RSAD2: variants seen among roughly 807,000 people sequenced by gnomAD.
RSAD2 encodes the protein radical S-adenosyl methionine domain containing 2, also known as S-adenosylmethionine-dependent nucleotide dehydratase RSAD2.
In RSAD2, 38 loss-of-function variants were observed where a neutral mutation model predicts 37.7. The observed-to-expected ratio is 1.01, with a 90% CI of 0.78 to 1.32. The LOEUF (loss-of-function observed/expected upper bound fraction) is 1.32. RSAD2 is among the 40% of genes most tolerant of loss of function. RSAD2 has a pLI of 0.00. For synonymous variants in RSAD2, 163 were observed against 157.4 expected (o/e 1.04, Z -0.27); for missense variants, 428 against 437.5 (o/e 0.98, Z 0.19).
At chr2:6,866,139 G>A (rs751532420) in intron 1 of RSAD2, 33 of 215,206 alleles carry the variant, frequency 1.5e-4, no homozygotes, top group Admixed American at 3.9e-4. Flanking sequence ...GAGGGGGGCG[G>A]GGGTGCACGC....
intron 1 of RSAD2, among the ~76,000 whole-genome samples, chr2:6,881,562 G>A (rs1663401664): frequency 6.6e-6 from 1 of 152,206 alleles, no homozygotes; most frequent in African/African-American, 2.4e-5. Context: ...GTTATTTAAG[G>A]GTTGAAAGCT....
chr2:6,866,363 T>A (rs1663090311), intron 1 of RSAD2: 1 of 881,974 alleles, frequency 1.1e-6, no homozygotes, highest in African/African-American at 1.8e-5. Context: ...TTCCCTCTCC[T>A]GTATCTTATC....
At chr2:6,881,817 C>T (rs540495046) in intron 1 of RSAD2, among the ~76,000 whole-genome samples, 15 of 151,110 alleles carry the variant, frequency 9.9e-5, no homozygotes, top group East Asian at 7.8e-4. Context: ...GGGTGTATAA[C>T]GCACAAGCCC....
At chr2:6,881,277 G>T (rs949463603) in intron 1 of RSAD2, among the ~76,000 whole-genome samples, 2 of 152,178 alleles carry the variant, frequency 1.3e-5, no homozygotes, top group African/African-American at 4.8e-5. Flanking sequence ...AAATAGGGAG[G>T]TGATATAATG....
In RSAD2 at chr2:6,886,980, A is replaced by T. The variant is rs1663534272; in HGVS notation, c.554A>T (p.Glu185Val). 1 of 1,614,104 alleles carries T rather than the reference A, an allele frequency of 6.2e-7. No homozygotes were observed. The highest frequency in any genetic ancestry group is 1.3e-5 in the African/African-American group (1 of 74,944). ...ILAISCDSFD[E>V]EVNVLIGRGQ... Reference sequence around the variant, plus strand: ...GCTATCTCCTGTGACAGCTTTGACGAGGAAGTCAATGTCCTTATTGGCCGT... The same window carrying T: ...GCTATCTCCTGTGACAGCTTTGACGTGGAAGTCAATGTCCTTATTGGCCGT... Residue 185 changes from glutamate (E) to valine (V), a missense_variant, in exon 3 of 6, where the codon GAG becomes GTG. Transcript: ENST00000382040.
chr2:6,873,787 G>A (rs1156889526), upstream of RSAD2, among the ~76,000 whole-genome samples: 3 of 152,182 alleles, frequency 2.0e-5, no homozygotes, highest in Non-Finnish European at 2.9e-5. Context: ...GATACTAAAT[G>A]ATTAGGCTTA....
intron 1 of RSAD2, among the ~76,000 whole-genome samples, chr2:6,880,172 G>A (rs908149930): frequency 1.1e-4 from 16 of 152,168 alleles, no homozygotes; most frequent in African/African-American, 3.9e-4. Flanking sequence ...CTGTAAGAGA[G>A]ATTTCTAGAT....
chr2:6,871,065 A>G (rs1303243619), intron 1 of RSAD2, among the ~76,000 whole-genome samples: 2 of 152,362 alleles, frequency 1.3e-5, no homozygotes, highest in East Asian at 3.9e-4. Context: ...CAAACCTCCC[A>G]GAGACAATGG....
chr2:6,878,718 T>C (rs1005165821), intron 1 of RSAD2: 2 of 511,860 alleles, frequency 3.9e-6, no homozygotes, highest in South Asian at 5.7e-5. Context: ...CATTAGTAAC[T>C]GGCAGCGTCT....
chr2:6,878,221 G>A, intron 1 of RSAD2, 75 bp downstream of exon 1: 8 of 1,262,254 alleles, frequency 6.3e-6, no homozygotes, highest in Admixed American at 2.4e-5. Context: ...AGGGGCTGGG[G>A]GTATGCACAA....
At chr2:6,886,889 C>T in intron 2 of RSAD2, 46 bp from the exon 3 acceptor site, 1 of 1,451,496 alleles carries the variant, frequency 6.9e-7, no homozygotes, top group Non-Finnish European at 9.7e-7. Context: ...GCCCAAGGGG[C>T]TTGGTCCTTG....
chr2:6,878,129 T>C lies in RSAD2; in HGVS notation c.329T>C (p.Leu110Pro), dbSNP rs1316901271. The C allele has an allele frequency of 1.9e-6, 3 of 1,613,866 alleles. No individual in the cohort carries two copies. Among genetic ancestry groups the C allele is most frequent in the South Asian group, 1.1e-5 (1 of 91,004 alleles). ...CTTGAGGAAGCAAAGAGAGGATTGCTTTTGCTTAAGGAAGCTGGTGAGTAC... is the reference window on the plus strand; with the variant it reads ...CTTGAGGAAGCAAAGAGAGGATTGCCTTTGCTTAAGGAAGCTGGTGAGTAC... Reference protein sequence around the residue: ...LPLEEAKRGLLLLKEAGMEKI... With the variant: ...LPLEEAKRGLPLLKEAGMEKI... The change falls in exon 1 of 6, where the codon CTT (leucine) becomes CCT (proline). Residue 110 changes from leucine to proline, a missense_variant. Physicochemically the swap from Leu to Pro is moderately conservative, Grantham distance 98 (BLOSUM62 -3). Transcript: ENST00000382040.
chr2:6,884,717 A>T (rs879847349), intron 2 of RSAD2, among the ~76,000 whole-genome samples: 2 of 152,230 alleles, frequency 1.3e-5, no homozygotes, highest in Non-Finnish European at 2.9e-5. Context: ...TGGAGACAAT[A>T]GGAAAGCATG....
rs544048223 is a variant in RSAD2, at chr2:6,890,085, G to A, written c.739-91G>A. 67 of 1,253,730 alleles carry A rather than the reference G, an allele frequency of 5.3e-5. No individual in the cohort carries two copies. In the African/African-American group the frequency reaches 7.0e-4, roughly 13 times the overall value. The allele number at this position is 1,253,730 out of a possible 1,614,324, so 77.7% of individuals were successfully genotyped here. The stretch of plus-strand genomic sequence containing the variant: ...TCAGCTCGTAGAGTCTCTTTGCTCA[G>A]AAGAGATGAAGCTTGAAAAGGGGGA... On this transcript the variant is annotated intron_variant, in intron 3 of 5. Coordinates refer to ENST00000382040, the MANE Select transcript of RSAD2 (RefSeq NM_080657.5).
In RSAD2 at chr2:6,887,035, C is replaced by G. The variant is rs746979815; in HGVS notation, c.609C>G (p.Asn203Lys). Residue 203 changes from asparagine to lysine, a missense_variant, in exon 3 of 6, where the codon AAC becomes AAG. By Grantham distance (94) the Asn-to-Lys change is moderately conservative. Transcript: ENST00000382040. The stretch of plus-strand genomic sequence containing the variant: ...AAGGAAAGAAGAACCATGTGGAAAA[C>G]CTTCAAAAGCTGAGGAGGTGGTGTA... ...RGQGKKNHVENLQKLRRWCRD... is the reference protein window; with the variant it reads ...RGQGKKNHVEKLQKLRRWCRD... 8.1e-6 allele frequency: 13 copies of G among 1,614,060 alleles called. No individual in the cohort carries two copies. Among genetic ancestry groups the G allele is most frequent in the Non-Finnish European group, 1.1e-5 (13 of 1,180,022 alleles).
At position 6,866,900 on chromosome 2, in the gene RSAD2, G is replaced by A. The variant is rs368722071; in HGVS notation, c.142+855G>A. Among the ~76,000 whole-genome samples the A allele has an allele frequency of 3.3e-5, 5 of 152,010 alleles. No homozygotes were observed. The South Asian group carries it at 1.0e-3, about 32-fold the overall frequency. ...TCTGAAAAAAAAAGTCTTAACAAAC[G>A]TGAAATATAGATAGGTGGTTGGAGT... On this transcript the variant is annotated intron_variant, in intron 1 of 5. Transcript: ENST00000442639.
intron 3 of RSAD2, among the ~76,000 whole-genome samples, 180 bp downstream of exon 3, chr2:6,887,344 T>C (rs1222223166): frequency 6.6e-6 from 1 of 152,238 alleles, no homozygotes; most frequent in Non-Finnish European, 1.5e-5. Flanking sequence ...TTCTTTGTCT[T>C]AGACATAAAA....
intron 4 of RSAD2, 118 bp from the exon 5 acceptor site, chr2:6,893,553 G>T: frequency 1.2e-6 from 1 of 827,122 alleles, no homozygotes; most frequent in Non-Finnish European, 2.0e-6. Context: ...GGCAACTCAA[G>T]GGAAATGAGA....
At chr2:6,866,363 T>G in intron 1 of RSAD2, 1 of 882,092 alleles carries the variant, frequency 1.1e-6, no homozygotes, top group Non-Finnish European at 1.4e-6. Context: ...TTCCCTCTCC[T>G]GTATCTTATC....
Sources: gnomAD v4.1 joint callset for allele counts (sites outside exome capture counted in the v4.1 genomes callset) on GRCh38, gnomAD v4.1.1 for gene constraint, MANE v1.5 for transcripts, NCBI Gene and HGNC (gene_info 2026-07-23, HGNC 2026-07-21) for gene names.